KCNH1: variants seen among roughly 807,000 people sequenced by gnomAD.
KCNH1 encodes potassium voltage-gated channel subfamily H member 1.
A neutral mutation model predicts 69.2 loss-of-function variants in KCNH1; 27 were observed. That is an observed-to-expected ratio of 0.39 (90% CI 0.29 to 0.54). The LOEUF (loss-of-function observed/expected upper bound fraction) is 0.54, where lower values mean the gene tolerates loss of function less well. KCNH1 is among the 20% of genes least tolerant of loss of function. The pLI is 0.68. For missense variants in KCNH1, 798 were observed against 1,261.6 expected, an observed-to-expected ratio of 0.63 and a Z score of 5.57; for synonymous variants, 456 against 487.7, an observed-to-expected ratio of 0.93 and a Z score of 0.86.
chr1:210,845,719 T>C (rs1381621545), intron 7 of KCNH1, among the ~76,000 whole-genome samples: 2 of 152,112 alleles, frequency 1.3e-5, no homozygotes, highest in Admixed American at 1.3e-4. Flanking sequence ...GTGTTGGAAG[T>C]TCTGGCCAGG....
intron 5 of KCNH1, among the ~76,000 whole-genome samples, chr1:211,078,751 C>A (rs1201372892): frequency 1.3e-5 from 2 of 151,510 alleles, no homozygotes; most frequent in African/African-American, 4.9e-5. Context: ...TAGCAGAAGG[C>A]AAGAAATAAC....
intron 5 of KCNH1, among the ~76,000 whole-genome samples, chr1:211,058,263 T>C (rs1340227745): frequency 6.6e-6 from 1 of 152,044 alleles, no homozygotes. Flanking sequence ...AAAAAGAAAT[T>C]ATCTGAAGGT....
At chr1:210,996,015 G>A (rs975382444) in intron 6 of KCNH1, among the ~76,000 whole-genome samples, 23 of 152,202 alleles carry the variant, frequency 1.5e-4, no homozygotes, top group African/African-American at 4.8e-4. Flanking sequence ...CAGCCAAGAT[G>A]GCCGAATAGG....
chr1:210,868,249 G>A (rs186244724), intron 7 of KCNH1, among the ~76,000 whole-genome samples: 11 of 151,972 alleles, frequency 7.2e-5, no homozygotes, highest in African/African-American at 1.7e-4. Flanking sequence ...TCATGTGTGC[G>A]TGTAAAGTGT....
At chr1:210,872,149 CAAA>C (rs60497732) in intron 7 of KCNH1, among the ~76,000 whole-genome samples, 4 of 77,682 alleles carry the variant, frequency 5.1e-5, no homozygotes, top group Admixed American at 2.8e-4. Flanking sequence ...GGAAGAGCAC[CAAA>C]AAAAAAAAAA....
At chr1:210,950,315 C>T (rs1041649069) in intron 6 of KCNH1, among the ~76,000 whole-genome samples, 3 of 149,114 alleles carry the variant, frequency 2.0e-5, no homozygotes, top group African/African-American at 7.4e-5. Flanking sequence ...GTGCACTGCA[C>T]CCACTAACTC....
At chr1:211,048,019 C>T (rs1318949848) in intron 5 of KCNH1, among the ~76,000 whole-genome samples, 2 of 151,992 alleles carry the variant, frequency 1.3e-5, no homozygotes, top group African/African-American at 2.4e-5. Flanking sequence ...AAAAAGTGGG[C>T]TAAGCACATG....
intron 5 of KCNH1, among the ~76,000 whole-genome samples, chr1:211,050,638 C>A (rs1690185206): frequency 6.6e-6 from 1 of 152,142 alleles, no homozygotes; most frequent in African/African-American, 2.4e-5. Context: ...CAGTTGTATT[C>A]TTTTAACTTT....
Position 210,678,466 on chromosome 1 carries a change from G to A in KCNH1, c.*4815C>T, listed in dbSNP as rs533525632. 1 of 152,252 alleles carries A rather than the reference G, an allele frequency of 6.6e-6. No individual in the cohort carries two copies. The highest frequency in any genetic ancestry group is 2.4e-5 in the African/African-American group (1 of 41,546). The allele number at this position is 152,252 out of a possible 1,614,324, so 9.4% of individuals were successfully genotyped here. A position where few individuals can be genotyped will look rare whatever the true frequency, so the allele number is the denominator to read the frequency against. On this transcript the variant is annotated 3_prime_UTR_variant, in exon 11 of 11. Transcript: ENST00000271751. ...ATTCCCAAGCCACAGATATACAGTG[G>A]TGTTCTTGGCAGCATCCTCAGCTGA...
At chr1:210,914,762 G>A (rs1489943668) in intron 7 of KCNH1, among the ~76,000 whole-genome samples, 4 of 151,780 alleles carry the variant, frequency 2.6e-5, no homozygotes, top group Admixed American at 6.6e-5. Flanking sequence ...TTTAGCTGAC[G>A]CTCAGCTAGA....
Position 210,837,488 on chromosome 1 carries a change from G to A in KCNH1, c.1463-33322C>T, listed in dbSNP as rs148475365. On this transcript the variant is annotated intron_variant, in intron 7 of 10. Coordinates refer to ENST00000271751, the MANE Select transcript of KCNH1 (RefSeq NM_172362.3). Reference sequence around the variant, plus strand: ...CAGCAAATGAGTTCAATAAAATAGCGACCTGAAGATCCATGACAAAGAGAG... The same window carrying A: ...CAGCAAATGAGTTCAATAAAATAGCAACCTGAAGATCCATGACAAAGAGAG... Among the ~76,000 whole-genome samples, 7 of 152,242 alleles carry A rather than the reference G, an allele frequency of 4.6e-5. No individual in the cohort carries two copies. In the East Asian group the frequency reaches 1.2e-3, roughly 25 times the overall value.
intron 7 of KCNH1, among the ~76,000 whole-genome samples, chr1:210,885,666 C>G (rs2102514497): frequency 6.6e-6 from 1 of 152,296 alleles, no homozygotes; most frequent in Admixed American, 6.5e-5. Flanking sequence ...GCTGCCAGCA[C>G]AGCAGTCTGA....
At chr1:211,070,534 A>T (rs951751038) in intron 5 of KCNH1, among the ~76,000 whole-genome samples, 1 of 151,586 alleles carries the variant, frequency 6.6e-6, no homozygotes, top group Non-Finnish European at 1.5e-5. Context: ...TTAAAAACTC[A>T]GAGGGGAGGC....
chr1:210,889,098 C>A (rs1465586961), intron 7 of KCNH1, among the ~76,000 whole-genome samples: 2 of 151,910 alleles, frequency 1.3e-5, no homozygotes, highest in African/African-American at 4.8e-5. Context: ...AGAGACACAA[C>A]AAAAAAAGAA....
intron 5 of KCNH1, among the ~76,000 whole-genome samples, chr1:211,020,102 G>T (rs908738394): frequency 3.8e-4 from 57 of 151,534 alleles, no homozygotes; most frequent in Admixed American, 5.9e-4. Context: ...AACGAGAAAA[G>T]CAAGAACAAA....
chr1:210,883,844 T>C (rs1125262), intron 7 of KCNH1, among the ~76,000 whole-genome samples: 13,691 of 152,228 alleles, frequency 0.09, 1,355 homozygotes, highest in African/African-American at 0.24. Flanking sequence ...ATACAAGATG[T>C]TCAACAGAAA....
At chr1:210,965,471 T>C (rs1688381319) in intron 6 of KCNH1, among the ~76,000 whole-genome samples, 1 of 151,992 alleles carries the variant, frequency 6.6e-6, no homozygotes. Context: ...AAAAAACTAC[T>C]CTAAGTTTCA....
intron 10 of KCNH1, among the ~76,000 whole-genome samples, chr1:210,720,764 A>T (rs1682434558): frequency 6.6e-6 from 1 of 152,122 alleles, no homozygotes; most frequent in African/African-American, 2.4e-5. Context: ...GCCTAGGAAA[A>T]GGGGGTAGAT....
intron 7 of KCNH1, among the ~76,000 whole-genome samples, chr1:210,868,787 A>T (rs886748635): frequency 1.3e-5 from 2 of 152,026 alleles, no homozygotes; most frequent in African/African-American, 4.8e-5. Flanking sequence ...TAATTTGGTC[A>T]TTTCAAGAAT....
Sources: gnomAD v4.1 joint callset for allele counts (sites outside exome capture counted in the v4.1 genomes callset) on GRCh38, gnomAD v4.1.1 for gene constraint, MANE v1.5 for transcripts, NCBI Gene and HGNC (gene_info 2026-07-23, HGNC 2026-07-21) for gene names.